KCNK9: variants seen among roughly 807,000 people sequenced by gnomAD.
KCNK9 encodes potassium two pore domain channel subfamily K member 9, also known as potassium channel subfamily K member 9.
In KCNK9, 1 loss-of-function variant was observed where a neutral mutation model predicts 10.8. That is an observed-to-expected ratio of 0.09 (90% CI 0.03 to 0.44). KCNK9 has a LOEUF of 0.44. KCNK9 is among the 20% of genes least tolerant of loss of function. The pLI is 0.97. For missense variants in KCNK9, 303 were observed against 515.0 expected, an observed-to-expected ratio of 0.59 and a Z score of 3.98; for synonymous variants, 231 against 222.7, an observed-to-expected ratio of 1.04 and a Z score of -0.33.
chr8:139,618,680 T>C lies in KCNK9; in HGVS notation c.703A>G (p.Ile235Val). Residue 235 changes from isoleucine (I) to valine (V), a missense_variant, in exon 2 of 2, where the codon ATC (isoleucine) becomes GTC (valine). By Grantham distance (29) the Ile-to-Val change is conservative (BLOSUM62 3). Transcript: ENST00000520439. The surrounding 1 kb of genome is among the most constrained non-coding windows in gnomAD (Gnocchi z 7.9). ...FMYILVGLTV[I>V]GAFLNLVVLR... ...ACGACCAGGTTGAGGAAGGCCCCGA[T>C]GACCGTCAGCCCCACCAGGATATAC... The C allele has an allele frequency of 6.2e-7, 1 of 1,614,240 alleles. No individual in the cohort carries two copies. The highest frequency in any genetic ancestry group is 8.5e-7 in the Non-Finnish European group (1 of 1,180,052).
Position 139,618,263 on chromosome 8 carries a change from C to A in KCNK9, c.1120G>T (p.Val374Phe). The change falls in exon 2 of 2, where the codon GTT becomes TTT. Residue 374 changes from valine (V) to phenylalanine (F), a missense_variant. Physicochemically the swap from Val to Phe is conservative, Grantham distance 50. Coordinates refer to ENST00000520439, the MANE Select transcript of KCNK9 (RefSeq NM_001282534.2). The surrounding 1 kb of genome is among the most constrained non-coding windows in gnomAD (Gnocchi z 7.9). ...HQRLMKRRKS[V>F] ...TCCCATTTCCCTCCCCACACCTAAA[C>A]GGACTTCCGGCGTTTCATCAGCCTC... is the stretch of plus-strand genomic sequence containing the variant. 1 of 1,614,200 alleles carries A rather than the reference C, an allele frequency of 6.2e-7. No homozygotes were observed. Among genetic ancestry groups the A allele is most frequent in the Non-Finnish European group, 8.5e-7 (1 of 1,180,050 alleles).
chr8:139,676,945 GTC>G (rs879750767), intron 1 of KCNK9, among the ~76,000 whole-genome samples: 3 of 152,024 alleles, frequency 2.0e-5, no homozygotes, highest in Non-Finnish European at 2.9e-5. Flanking sequence ...GAGTGAGACT[GTC>G]TCAAAAAACA....
intron 1 of KCNK9, among the ~76,000 whole-genome samples, chr8:139,698,846 A>G (rs540915149): frequency 6.6e-6 from 1 of 152,290 alleles, no homozygotes; most frequent in African/African-American, 2.4e-5. Flanking sequence ...GAGAAAAGGA[A>G]GCTATCTCAA....
chr8:139,614,511 G>T (rs1432423908), downstream of KCNK9, among the ~76,000 whole-genome samples: 1 of 152,196 alleles, frequency 6.6e-6, no homozygotes, highest in Non-Finnish European at 1.5e-5. Flanking sequence ...TTCCAAGGGG[G>T]TTCACATGTA....
intron 1 of KCNK9, among the ~76,000 whole-genome samples, chr8:139,667,589 G>A (rs561134226): frequency 3.7e-4 from 56 of 152,246 alleles, no homozygotes; most frequent in African/African-American, 1.3e-3. Flanking sequence ...CCAGCTACTC[G>A]GGAGACTGAG....
At chr8:139,696,590 G>A (rs538359917) in intron 1 of KCNK9, among the ~76,000 whole-genome samples, 5 of 152,212 alleles carry the variant, frequency 3.3e-5, no homozygotes, top group East Asian at 1.9e-4. Flanking sequence ...GCAGAAATCC[G>A]TCCAATAAGC....
intron 1 of KCNK9, among the ~76,000 whole-genome samples, chr8:139,660,859 C>T (rs1816134832): frequency 6.6e-6 from 1 of 152,030 alleles, no homozygotes; most frequent in African/African-American, 2.4e-5. Context: ...CCTAAGGAGG[C>T]CTAAGAGCTA....
intron 1 of KCNK9, among the ~76,000 whole-genome samples, chr8:139,623,760 C>T (rs1814869821): frequency 6.6e-6 from 1 of 152,276 alleles, no homozygotes; most frequent in Non-Finnish European, 1.5e-5. Flanking sequence ...GCCACGCTTC[C>T]CTCATCATAA....
chr8:139,611,785 A>G (rs1814433064), downstream of KCNK9: 2 of 152,250 alleles, frequency 1.3e-5, no homozygotes, highest in Non-Finnish European at 2.9e-5. Context: ...TTTTCTTCTC[A>G]TAGATCTGGA....
At chr8:139,697,793 C>T (rs1817099233) in intron 1 of KCNK9, among the ~76,000 whole-genome samples, 1 of 152,122 alleles carries the variant, frequency 6.6e-6, no homozygotes, top group Non-Finnish European at 1.5e-5. Flanking sequence ...GAAGAAACCC[C>T]ACTTCTGCCC....
chr8:139,679,305 G>A (rs73725113), intron 1 of KCNK9, among the ~76,000 whole-genome samples: 2,605 of 152,310 alleles, frequency 0.017, 65 homozygotes, highest in African/African-American at 0.051. Flanking sequence ...TCCTCTTGCC[G>A]AGAAGGCAGG....
intron 1 of KCNK9, among the ~76,000 whole-genome samples, chr8:139,631,681 G>A (rs1042522040): frequency 1.3e-5 from 2 of 152,100 alleles, no homozygotes; most frequent in Non-Finnish European, 2.9e-5. Context: ...ACAAGAAAAT[G>A]TGGGGAAACA....
intron 2 of KCNK9, among the ~76,000 whole-genome samples, chr8:139,602,574 C>T (rs911596023): frequency 3.3e-5 from 5 of 152,154 alleles, no homozygotes; most frequent in African/African-American, 1.2e-4. Context: ...GCCTACCACA[C>T]GATGATAGGA....
intron 1 of KCNK9, among the ~76,000 whole-genome samples, chr8:139,645,799 C>T (rs763427589): frequency 1.2e-4 from 18 of 152,214 alleles, no homozygotes; most frequent in African/African-American, 2.2e-4. Context: ...AATCCACCAT[C>T]GCCTGGCCCC....
chr8:139,621,330 A>C (rs1234886019), intron 1 of KCNK9, among the ~76,000 whole-genome samples: 2 of 152,018 alleles, frequency 1.3e-5, no homozygotes, highest in African/African-American at 4.8e-5. Context: ...TGAAAGACAC[A>C]AACTTATAGA....
chr8:139,702,832 A>C lies in KCNK9; in HGVS notation c.161T>G (p.Ile54Ser). 6.2e-7 allele frequency: 1 copy of C among 1,613,548 alleles called. No homozygotes were observed. The highest frequency in any genetic ancestry group is 8.5e-7 in the Non-Finnish European group (1 of 1,179,872). Residue 54 changes from isoleucine to serine, a missense_variant, in exon 1 of 2, where the codon ATC (isoleucine) becomes AGC (serine). Physicochemically the swap from Ile to Ser is moderately radical, Grantham distance 142 (BLOSUM62 -2). Coordinates refer to ENST00000520439, the MANE Select transcript of KCNK9 (RefSeq NM_001282534.2). The surrounding 1 kb of genome is among the most constrained non-coding windows in gnomAD (Gnocchi z 7.5). Reference protein sequence around the residue: ...EEIRIKGKYNISSEDYRQLEL... With the variant: ...EEIRIKGKYNSSSEDYRQLEL... ...CAGCTGCCGGTAGTCCTCGCTGCTG[A>C]TGTTGTACTTCCCCTTGATCCGGAT...
intron 1 of KCNK9, among the ~76,000 whole-genome samples, chr8:139,664,611 G>A (rs1816251034): frequency 6.6e-6 from 1 of 152,132 alleles, no homozygotes; most frequent in Non-Finnish European, 1.5e-5. Context: ...ACCTTTGTCA[G>A]GTGCCAACCA....
intron 1 of KCNK9, among the ~76,000 whole-genome samples, chr8:139,655,962 GC>G (rs1184485898): frequency 5.9e-5 from 9 of 152,202 alleles, no homozygotes; most frequent in Admixed American, 3.9e-4. Context: ...GAAGAGCTCT[GC>G]CCCTGCAGGG....
At chr8:139,645,254 C>T (rs986140503) in intron 1 of KCNK9, among the ~76,000 whole-genome samples, 3 of 151,982 alleles carry the variant, frequency 2.0e-5, no homozygotes, top group African/African-American at 7.3e-5. Flanking sequence ...GCAGCCCCAC[C>T]TGCAAGAAGG....
Sources: allele counts gnomAD v4.1 joint callset (sites outside exome capture counted in the v4.1 genomes callset), GRCh38; gene constraint gnomAD v4.1.1; non-coding constraint Gnocchi (gnomAD v3.1); transcripts MANE v1.5; gene names NCBI Gene and HGNC (gene_info 2026-07-23, HGNC 2026-07-21).